Variants in FAM168A observed in about 807,000 individuals in gnomAD.
The protein encoded by FAM168A is protein FAM168A.
A neutral mutation model predicts 28.5 loss-of-function variants in FAM168A; 3 were observed. The ratio of observed to expected loss-of-function variants is 0.11; its 90% CI spans 0.05 to 0.27. The LOEUF (loss-of-function observed/expected upper bound fraction) is 0.27. FAM168A is among the 10% of genes least tolerant of loss of function. The pLI is 1.00. For missense variants in FAM168A, 222 were observed against 311.5 expected, an observed-to-expected ratio of 0.71 and a Z score of 2.16; for synonymous variants, 122 against 124.2, an observed-to-expected ratio of 0.98 and a Z score of 0.12.
chr11:73,513,316 TCTC>T (rs1450123800), intron 1 of FAM168A, among the ~76,000 whole-genome samples: 4 of 150,608 alleles, frequency 2.7e-5, no homozygotes, highest in Admixed American at 2.7e-4. Context: ...TTCACGCCAT[TCTC>T]CTGCCTCAGC....
chr11:73,473,102 T>A (rs963133657), intron 1 of FAM168A, among the ~76,000 whole-genome samples: 2 of 152,326 alleles, frequency 1.3e-5, no homozygotes, highest in Non-Finnish European at 2.9e-5. Flanking sequence ...TGACAGGTAC[T>A]GTGCTAAGGA....
intron 2 of FAM168A, among the ~76,000 whole-genome samples, chr11:73,434,135 T>C (rs950406807): frequency 6.6e-6 from 1 of 152,170 alleles, no homozygotes; most frequent in Non-Finnish European, 1.5e-5. Context: ...TGAGCTATCG[T>C]GCCTGGCCAG....
chr11:73,492,420 T>C (rs1209697335), intron 1 of FAM168A, among the ~76,000 whole-genome samples: 4 of 152,144 alleles, frequency 2.6e-5, no homozygotes. Flanking sequence ...GCTGAGGCAG[T>C]GGATCCCTTG....
chr11:73,512,081 A>G (rs925580276), intron 1 of FAM168A, among the ~76,000 whole-genome samples: 1 of 152,216 alleles, frequency 6.6e-6, no homozygotes, highest in African/African-American at 2.4e-5. Flanking sequence ...TAGAACCCTT[A>G]GGAAACTGGA....
intron 1 of FAM168A, among the ~76,000 whole-genome samples, chr11:73,587,590 G>A (rs1944330886): frequency 1.3e-5 from 2 of 152,116 alleles, no homozygotes; most frequent in African/African-American, 4.8e-5. Context: ...TAGAGAAGCT[G>A]AGGCAGGAGG....
chr11:73,413,283 T>C (rs1003488070), intron 4 of FAM168A, among the ~76,000 whole-genome samples: 4 of 152,182 alleles, frequency 2.6e-5, no homozygotes, highest in African/African-American at 7.2e-5. Flanking sequence ...GTTTTTTCCA[T>C]AGTTTTGTGA....
chr11:73,460,992 T>C (rs568614936), intron 2 of FAM168A, among the ~76,000 whole-genome samples: 5 of 152,316 alleles, frequency 3.3e-5, no homozygotes, highest in African/African-American at 9.6e-5. Flanking sequence ...GAGGTCTGGG[T>C]TCTACTTCCA....
chr11:73,498,318 A>AC (rs1311715037), intron 1 of FAM168A, among the ~76,000 whole-genome samples: 26 of 151,082 alleles, frequency 1.7e-4, no homozygotes, highest in East Asian at 1.9e-4. Flanking sequence ...AGGGAAGGGG[A>AC]CCCCCCCTTC....
intron 3 of FAM168A, among the ~76,000 whole-genome samples, chr11:73,429,214 C>T (rs549682052): frequency 1.3e-5 from 2 of 152,160 alleles, no homozygotes; most frequent in Admixed American, 6.5e-5. Context: ...AAGAGAATGA[C>T]AGTAGAATAA....
intron 1 of FAM168A, among the ~76,000 whole-genome samples, chr11:73,543,690 A>G (rs1448013803): frequency 6.6e-6 from 1 of 152,212 alleles, no homozygotes; most frequent in Non-Finnish European, 1.5e-5. Flanking sequence ...TGATAGAAGT[A>G]ACCAAAAGAA....
In FAM168A at chr11:73,411,480, G is replaced by A; in HGVS notation, c.334C>T (p.Pro112Ser). The A allele has an allele frequency of 1.2e-6, 2 of 1,613,902 alleles. No homozygotes were observed. The highest frequency in any genetic ancestry group is 1.7e-6 in the Non-Finnish European group (2 of 1,179,854). The change falls in exon 5 of 8, where the codon CCC becomes TCC. Residue 112 changes from proline to serine, a missense_variant. Pro to Ser is a moderately conservative substitution (Grantham distance 74). This residue lies in a region of FAM168A where 153 missense variants were observed against 189.2 expected (regional missense o/e 0.81). Coordinates refer to ENST00000356467, the MANE Select transcript of FAM168A (RefSeq NM_015159.3). ...GGGTTGGGTGATGGGGAGTAGGGGGGTGGAGCAGTGTTACTCTGGGTCGGT... is the reference window on the plus strand; with the variant it reads ...GGGTTGGGTGATGGGGAGTAGGGGGATGGAGCAGTGTTACTCTGGGTCGGT... ...VPPTQSNTAP[P>S]PYSPSPNPYQ...
chr11:73,556,812 G>C (rs1337572081), intron 1 of FAM168A, among the ~76,000 whole-genome samples: 2 of 151,868 alleles, frequency 1.3e-5, no homozygotes, highest in Non-Finnish European at 2.9e-5. Flanking sequence ...CACAAGGCTA[G>C]GAGTTCAAGG....
intron 1 of FAM168A, among the ~76,000 whole-genome samples, chr11:73,569,825 A>AAAATAAATAAAT (rs111950693): frequency 0.11 from 16,503 of 145,670 alleles, 1,146 homozygotes; most frequent in Non-Finnish European, 0.14. Flanking sequence ...CTCCACCTCA[A>AAAATAAATAAAT]AAATAAATAA....
intron 2 of FAM168A, among the ~76,000 whole-genome samples, chr11:73,458,532 A>C (rs1867581528): frequency 1.3e-5 from 2 of 152,348 alleles, no homozygotes; most frequent in South Asian, 4.1e-4. Flanking sequence ...GACTTGCCTG[A>C]CACTTCAGTG....
intron 1 of FAM168A, among the ~76,000 whole-genome samples, chr11:73,501,608 T>C (rs1186466602): frequency 1.3e-5 from 2 of 152,086 alleles, no homozygotes. Context: ...AATAATGAAA[T>C]TAAGGCAGAA....
chr11:73,552,819 T>C (rs1389091311), intron 1 of FAM168A, among the ~76,000 whole-genome samples: 3 of 152,026 alleles, frequency 2.0e-5, no homozygotes, highest in Non-Finnish European at 4.4e-5. Flanking sequence ...TAGCCTGGTG[T>C]GGTGGCACAC....
intron 4 of FAM168A, among the ~76,000 whole-genome samples, chr11:73,414,013 T>A (rs1866659379): frequency 6.6e-6 from 1 of 152,298 alleles, no homozygotes; most frequent in East Asian, 1.9e-4. Context: ...TTGTGAGCCA[T>A]GATCACAACA....
chr11:73,476,381 G>C (rs1420048763), intron 1 of FAM168A, among the ~76,000 whole-genome samples: 1 of 129,372 alleles, frequency 7.7e-6, no homozygotes, highest in African/African-American at 2.9e-5. Flanking sequence ...CTGCAAAGGA[G>C]ACAGACTCTA....
chr11:73,560,239 T>C lies in FAM168A; in HGVS notation c.-19+37684A>G, dbSNP rs550185257. 6.4e-4 allele frequency among the ~76,000 whole-genome samples: 97 copies of C among 152,056 alleles called. 1 individual carries two copies. The South Asian group carries it at 0.019, about 30-fold the overall frequency. On this transcript the variant is annotated intron_variant, in intron 1 of 7. Coordinates refer to ENST00000356467, the MANE Select transcript of FAM168A (RefSeq NM_015159.3). ...CCACCATGACCATGCCTGGCTTTTT[T>C]TTTTTAAAGAGATGGGGTCTCACTA...
Sources: gnomAD v4.1 joint callset for allele counts (sites outside exome capture counted in the v4.1 genomes callset) on GRCh38, gnomAD v4.1.1 for gene constraint, gnomAD v4.1.1 regional missense constraint, MANE v1.5 for transcripts, NCBI Gene and HGNC (gene_info 2026-07-23, HGNC 2026-07-21) for gene names.